The following GSR variants were observed in gnomAD, a reference collection of about 807,000 sequenced individuals.
GSR encodes the protein glutathione-disulfide reductase.
In GSR, 48 loss-of-function variants were observed where a neutral mutation model predicts 56.5. The ratio of observed to expected loss-of-function variants is 0.85; its 90% CI spans 0.67 to 1.08. GSR has a LOEUF of 1.08. Ranked by LOEUF, GSR falls within the 50% of genes least tolerant of loss-of-function variation. GSR has a pLI of 0.00. For missense variants in GSR, 694 were observed against 703.3 expected, an observed-to-expected ratio of 0.99 and a Z score of 0.15; for synonymous variants, 264 against 270.8, an observed-to-expected ratio of 0.97 and a Z score of 0.25.
chr8:30,702,181 G>A (rs8190974), intron 5 of GSR, among the ~76,000 whole-genome samples: 2,539 of 152,124 alleles, frequency 0.017, 45 homozygotes, highest in Non-Finnish European at 0.026. Flanking sequence ...TTAGCTGGGC[G>A]TGGTGGCGGA....
At position 30,727,795 on chromosome 8, in the gene GSR, G is replaced by T. The variant is rs192256606; in HGVS notation, c.41C>A (p.Pro14Gln). The change falls in exon 1 of 13, where the codon CCG (proline) becomes CAG (glutamine). Residue 14 changes from proline to glutamine, a missense_variant. Physicochemically the swap from Pro to Gln is moderately conservative, Grantham distance 76 (BLOSUM62 -1). Transcript: ENST00000221130. ...LPRALSAGAG[P>Q]SWRRAARAFR... ...GGCGCGCGCCGCCCGCCGCCAGCTCGGTCCCGCGCCGGCGCTCAGGGCTCG... is the reference window on the plus strand; with the variant it reads ...GGCGCGCGCCGCCCGCCGCCAGCTCTGTCCCGCGCCGGCGCTCAGGGCTCG... 1.9e-3 allele frequency: 2,534 copies of T among 1,321,126 alleles called. 45 individuals carry two copies. In the African/African-American group the frequency reaches 0.035, roughly 18 times the overall value. 81.8% of individuals were successfully genotyped at this position (1,321,126 alleles called of 1,614,324 possible).
intron 1 of GSR, among the ~76,000 whole-genome samples, chr8:30,717,448 T>A (rs2128748154): frequency 6.6e-6 from 1 of 152,240 alleles, no homozygotes; most frequent in African/African-American, 2.4e-5. Flanking sequence ...GGAACCAGGC[T>A]GCAGCAGGAG....
intron 8 of GSR, among the ~76,000 whole-genome samples, chr8:30,692,495 CTTTTTTTTTT>C (rs71206280): frequency 1.7e-5 from 1 of 59,062 alleles, no homozygotes; most frequent in Non-Finnish European, 2.8e-5. Context: ...CACACCCAGA[CTTTTTTTTTT>C]TTTTTTTTTT....
intron 6 of GSR, among the ~76,000 whole-genome samples, chr8:30,698,633 T>C (rs1803626857): frequency 1.3e-5 from 2 of 152,226 alleles, no homozygotes; most frequent in East Asian, 1.9e-4. Context: ...CTTTCTGAAC[T>C]GCCTCGTGCT....
At chr8:30,725,888 A>C (rs530057844) in intron 1 of GSR, among the ~76,000 whole-genome samples, 1 of 152,054 alleles carries the variant, frequency 6.6e-6, no homozygotes, top group East Asian at 1.9e-4. Flanking sequence ...TCTCAAAAAA[A>C]AAAAAAAAAA....
chr8:30,705,074 GC>G (rs2128744804), intron 4 of GSR, among the ~76,000 whole-genome samples: 1 of 151,814 alleles, frequency 6.6e-6, no homozygotes, highest in South Asian at 2.1e-4. Context: ...ATTACAAAAT[GC>G]TGGTTCCTGA....
At chr8:30,695,875 A>C (rs1413772835) in intron 7 of GSR, among the ~76,000 whole-genome samples, 1 of 151,954 alleles carries the variant, frequency 6.6e-6, no homozygotes, top group Non-Finnish European at 1.5e-5. Context: ...CCCCATCTCT[A>C]CTAAAAATAC....
At chr8:30,687,881 G>A (rs764158076) in intron 9 of GSR, among the ~76,000 whole-genome samples, 5 of 152,026 alleles carry the variant, frequency 3.3e-5, no homozygotes, top group Non-Finnish European at 7.4e-5. Context: ...AACCCAATGA[G>A]GCAAGAACTT....
intron 1 of GSR, among the ~76,000 whole-genome samples, chr8:30,720,383 T>C (rs1804492276): frequency 6.6e-6 from 1 of 152,160 alleles, no homozygotes; most frequent in Non-Finnish European, 1.5e-5. Flanking sequence ...CAAAACACTA[T>C]CGATTTATCA....
chr8:30,683,123 G>T (rs1803013391), intron 10 of GSR, among the ~76,000 whole-genome samples: 1 of 152,162 alleles, frequency 6.6e-6, no homozygotes, highest in Non-Finnish European at 1.5e-5. Flanking sequence ...ACCGTGCCCA[G>T]CTGAATCTTT....
intron 1 of GSR, among the ~76,000 whole-genome samples, chr8:30,723,040 T>C (rs1804600746): frequency 1.3e-5 from 2 of 152,162 alleles, no homozygotes; most frequent in Admixed American, 1.3e-4. Context: ...CATTGGTAAG[T>C]ACTACTCGCC....
At chr8:30,692,196 CTTTTTTTTTTTTT>C (rs71206279) in intron 8 of GSR, among the ~76,000 whole-genome samples, 1 of 76,412 alleles carries the variant, frequency 1.3e-5, no homozygotes, top group Non-Finnish European at 2.3e-5. Flanking sequence ...TAAAATACAG[CTTTTTTTTTTTTT>C]TTTTTTTTTT....
chr8:30,721,956 C>T (rs1402215327), intron 1 of GSR, among the ~76,000 whole-genome samples: 1 of 150,804 alleles, frequency 6.6e-6, no homozygotes, highest in African/African-American at 2.4e-5. Context: ...GCAGAGGTTA[C>T]AGTGAGCCAA....
intron 10 of GSR, among the ~76,000 whole-genome samples, chr8:30,683,644 T>C (rs1404432816): frequency 2.0e-5 from 3 of 151,408 alleles, no homozygotes; most frequent in Non-Finnish European, 4.4e-5. Context: ...CCTGTGATCC[T>C]AGCTACTTGG....
chr8:30,720,034 G>T (rs1804476457), intron 1 of GSR, among the ~76,000 whole-genome samples: 1 of 151,870 alleles, frequency 6.6e-6, no homozygotes, highest in African/African-American at 2.4e-5. Context: ...ACATAGTAAG[G>T]CCTCGTCTCC....
chr8:30,712,079 C>T lies in GSR; in HGVS notation c.316G>A (p.Gly106Arg). 7.0e-7 allele frequency: 1 copy of T among 1,426,040 alleles called. No individual in the cohort carries two copies. Among genetic ancestry groups the T allele is most frequent in the Non-Finnish European group, 9.8e-7 (1 of 1,018,914 alleles). 88.3% of individuals were successfully genotyped at this position (1,426,040 alleles called of 1,614,324 possible). The stretch of plus-strand genomic sequence containing the variant: ...AATTCTACCTTTTTGGGTACACATC[C>T]AACATTCACCTGGAAAAAAAAAAAA... Reference protein sequence around the residue: ...HKLGGTCVNVGCVPKKVMWNT... With the variant: ...HKLGGTCVNVRCVPKKVMWNT... Residue 106 changes from glycine (G) to arginine (R), a missense_variant, in exon 2 of 13, where the codon GGA (glycine) becomes AGA (arginine). Physicochemically the swap from Gly to Arg is moderately radical, Grantham distance 125 (BLOSUM62 -2). Coordinates refer to ENST00000221130, the MANE Select transcript of GSR (RefSeq NM_000637.5).
At chr8:30,691,209 A>G (rs1244871972) in intron 8 of GSR, among the ~76,000 whole-genome samples, 1 of 152,058 alleles carries the variant, frequency 6.6e-6, no homozygotes, top group Admixed American at 6.6e-5. Flanking sequence ...CTAAAACAAA[A>G]TACAAAAATT....
At position 30,727,815 on chromosome 8, in the gene GSR, G is replaced by C. The variant is rs1221884407; in HGVS notation, c.21C>G (p.Ala7=). 2.3e-6 allele frequency: 3 copies of C among 1,281,790 alleles called. No homozygotes were observed. Among genetic ancestry groups the C allele is most frequent in the Non-Finnish European group, 2.9e-6 (3 of 1,018,250 alleles). The allele number at this position is 1,281,790 out of a possible 1,614,324, so 79.4% of individuals were successfully genotyped here. A position where few individuals can be genotyped will look rare whatever the true frequency, so the allele number is the denominator to read the frequency against. Residue 7 remains alanine, a synonymous_variant, in exon 1 of 13, where the codon GCC becomes GCG. Transcript: ENST00000221130. The part of the protein sequence containing the change: MALLPR[A]LSAGAGPSWR... ...AGCTCGGTCCCGCGCCGGCGCTCAG[G>C]GCTCGGGGCAGCAGGGCCATGCACG...
At chr8:30,698,684 T>C (rs149476574) in intron 6 of GSR, among the ~76,000 whole-genome samples, 255 of 152,306 alleles carry the variant, frequency 1.7e-3, no homozygotes, top group African/African-American at 6.0e-3. Flanking sequence ...AAAGTGAAGA[T>C]AGGCTCATGG....
Sources: allele counts gnomAD v4.1 joint callset (sites outside exome capture counted in the v4.1 genomes callset), GRCh38; gene constraint gnomAD v4.1.1; transcripts MANE v1.5; gene names NCBI Gene and HGNC (gene_info 2026-07-23, HGNC 2026-07-21).